DHX35: variants seen among roughly 807,000 people sequenced by gnomAD.
DHX35 encodes DEAH-box helicase 35.
A neutral mutation model predicts 99.6 loss-of-function variants in DHX35; 84 were observed. The ratio of observed to expected loss-of-function variants is 0.84; its 90% CI spans 0.71 to 1.01. The LOEUF (loss-of-function observed/expected upper bound fraction) is 1.01, where lower values mean the gene tolerates loss of function less well. Among genes scored for constraint, DHX35 ranks in the 50% least tolerant of loss-of-function variants. The probability of loss-of-function intolerance (pLI) is 0.00; values close to 1 mark genes in which losing one functional copy is unlikely to be tolerated. For synonymous variants in DHX35, 331 were observed against 316.2 expected, an observed-to-expected ratio of 1.05 and a Z score of -0.50; for missense variants, 852 against 888.5, an observed-to-expected ratio of 0.96 and a Z score of 0.52.
chr20:39,025,404 T>A, intron 18 of DHX35, 45 bp downstream of exon 18: 1 of 1,599,336 alleles, frequency 6.3e-7, no homozygotes, highest in Non-Finnish European at 8.5e-7. Context: ...TGCTTCATTC[T>A]GTTGAGTTGT....
chr20:38,972,768 A>G (rs2086022431), intron 3 of DHX35, 117 bp downstream of exon 3: 1 of 659,960 alleles, frequency 1.5e-6, no homozygotes, highest in African/African-American at 1.9e-5. Flanking sequence ...GGAAATGTTC[A>G]CTTCAACTAG....
In DHX35 at chr20:39,006,153, T is replaced by A; in HGVS notation, c.1019T>A (p.Val340Glu). The change falls in exon 12 of 22, where the codon GTG becomes GAG. Residue 340 changes from valine (V) to glutamate (E), a missense_variant. Coordinates refer to ENST00000252011, the MANE Select transcript of DHX35 (RefSeq NM_021931.4). ...TTTCTGTGGGGAACGTAGGTGATAGTGGCCACCAATGTGGCAGAAACCTCT... is the reference window on the plus strand; with the variant it reads ...TTTCTGTGGGGAACGTAGGTGATAGAGGCCACCAATGTGGCAGAAACCTCT... ...RVSRSVRKVI[V>E]ATNVAETSIT... 1 of 1,613,246 alleles carries A rather than the reference T, an allele frequency of 6.2e-7. No individual in the cohort carries two copies. The highest frequency in any genetic ancestry group is 8.5e-7 in the Non-Finnish European group (1 of 1,179,210).
In DHX35 at chr20:38,971,600, A is replaced by G. The variant is rs982079654; in HGVS notation, c.175-959A>G. Reference sequence around the variant, plus strand: ...TTGTCCTTAGTGTAAGAACATGTCAACCTCTCTGGGGGCAGCACTATTGAC... The same window carrying G: ...TTGTCCTTAGTGTAAGAACATGTCAGCCTCTCTGGGGGCAGCACTATTGAC... On this transcript the variant is annotated intron_variant, in intron 2 of 21. Transcript: ENST00000252011. Among the ~76,000 whole-genome samples the G allele has an allele frequency of 4.6e-5, 7 of 151,558 alleles. No homozygotes were observed. The East Asian group carries it at 9.7e-4, about 21-fold the overall frequency.
intron 12 of DHX35, among the ~76,000 whole-genome samples, chr20:39,009,943 T>G (rs2086673490): frequency 6.6e-6 from 1 of 152,222 alleles, no homozygotes; most frequent in Non-Finnish European, 1.5e-5. Flanking sequence ...CTTCCTTGAC[T>G]TATTCCAAAC....
chr20:39,023,572 C>T (rs1435005893), intron 16 of DHX35, 118 bp from the exon 17 acceptor site: 11 of 888,262 alleles, frequency 1.2e-5, no homozygotes, highest in East Asian at 2.6e-5. Context: ...AGGCTGGTCT[C>T]GAACTTCTGG....
intron 21 of DHX35, among the ~76,000 whole-genome samples, chr20:39,035,692 C>T (rs2087139656): frequency 6.6e-6 from 1 of 152,168 alleles, no homozygotes; most frequent in Admixed American, 6.5e-5. Context: ...TTAGTGACAT[C>T]GCCAGGTGCC....
At chr20:39,020,656 CTTTTTTTTT>C (rs57246257) in intron 15 of DHX35, among the ~76,000 whole-genome samples, 4 of 105,224 alleles carry the variant, frequency 3.8e-5, no homozygotes, top group Admixed American at 2.2e-4. Context: ...AAACAGGATT[CTTTTTTTTT>C]TTTTTTTTTT....
intron 17 of DHX35, 79 bp from the exon 18 acceptor site, chr20:39,025,151 A>G (rs2086934417): frequency 6.8e-7 from 1 of 1,474,890 alleles, no homozygotes; most frequent in African/African-American, 1.4e-5. Context: ...GGGGGAAGAG[A>G]GAAGAATGAT....
Position 39,028,514 on chromosome 20 carries a change from G to A in DHX35, c.1883+15G>A. The A allele has an allele frequency of 6.2e-7, 1 of 1,613,496 alleles. No individual in the cohort carries two copies. Among genetic ancestry groups the A allele is most frequent in the Non-Finnish European group, 8.5e-7 (1 of 1,179,432 alleles). On this transcript the variant is annotated intron_variant, in intron 19 of 21. Coordinates refer to ENST00000252011, the MANE Select transcript of DHX35 (RefSeq NM_021931.4). ...GGAGCTTATAGGTAACATGATACTT[G>A]GTGAAGTCATTTGTTAAAGGAACAA...
chr20:39,019,236 T>C (rs116936431), intron 15 of DHX35, among the ~76,000 whole-genome samples: 4,245 of 152,318 alleles, frequency 0.028, 84 homozygotes, highest in Middle Eastern at 0.044. Context: ...ATTTGACTGC[T>C]CTGAGAACCC....
chr20:38,986,103 A>G (rs570848888), intron 4 of DHX35, among the ~76,000 whole-genome samples: 2 of 151,944 alleles, frequency 1.3e-5, no homozygotes, highest in Admixed American at 6.5e-5. Context: ...TGTCTCGTCT[A>G]CCTCATGGGC....
rs544851133 is a variant in DHX35 at position 39,019,209 on chromosome 20, A to T, written c.1498+310A>T. Among the ~76,000 whole-genome samples the T allele has an allele frequency of 2.6e-5, 4 of 152,170 alleles. No individual in the cohort carries two copies. In the East Asian group the frequency reaches 7.7e-4, roughly 29 times the overall value. On this transcript the variant is annotated intron_variant, in intron 15 of 21. Coordinates refer to ENST00000252011, the MANE Select transcript of DHX35 (RefSeq NM_021931.4). ...TGCCCCGCCCCTGGCAACCACCACT[A>T]CTTTCTGTCTCTATGAATTTGACTG...
intron 1 of DHX35, chr20:38,962,743 G>T (rs992719837): frequency 2.9e-6 from 1 of 340,638 alleles, no homozygotes; most frequent in Non-Finnish European, 5.4e-6. Context: ...GCGCCCTGGG[G>T]TTGCGCTGTG....
At position 39,006,375 on chromosome 20, in the gene DHX35, A is replaced by G. The variant is rs201033227; in HGVS notation, c.1222+19A>G. ...TATACAGGTTAGTGTGGCTTTCCCT[A>G]AGGGTTTTTGACTTTCTTATAGTCA... On this transcript the variant is annotated intron_variant, in intron 12 of 21. Transcript: ENST00000252011. 1.8e-5 allele frequency: 29 copies of G among 1,609,446 alleles called. No individual in the cohort carries two copies. Among genetic ancestry groups the G allele is most frequent in the Non-Finnish European group, 1.8e-5 (21 of 1,176,188 alleles).
In DHX35 at chr20:39,025,297, C is replaced by G. The variant is rs1014413078; in HGVS notation, c.1739C>G (p.Thr580Ser). Residue 580 changes from threonine (T) to serine (S), a missense_variant, in exon 18 of 22, where the codon ACT becomes AGT. Thr to Ser is a moderately conservative substitution (Grantham distance 58). Transcript: ENST00000252011. ...LNYKGLVRAA[T>S]VREQLKKLLV... ...TACAAGGGTCTTGTCAGAGCTGCGA[C>G]TGTAAGAGAACAATTGAAAAAGCTT... The G allele has an allele frequency of 7.4e-6, 12 of 1,613,540 alleles. No individual in the cohort carries two copies. Among genetic ancestry groups the G allele is most frequent in the Non-Finnish European group, 1.0e-5 (12 of 1,179,780 alleles).
Position 39,025,550 on chromosome 20 carries a change from A to G in DHX35, c.1801+191A>G, listed in dbSNP as rs73908235. Among the ~76,000 whole-genome samples the G allele has an allele frequency of 0.02, 3,077 of 152,154 alleles. 116 individuals carry two copies. The highest frequency in any genetic ancestry group is 0.071 in the African/African-American group (2,941 of 41,500). On this transcript the variant is annotated intron_variant, in intron 18 of 21. Transcript: ENST00000252011. ...TTGCGTATTTTTTCCAAGGAGGTCT[A>G]TTTTTCTTTCTGATGGGCATTCTTA...
chr20:38,996,768 G>GA (rs1315709085), intron 8 of DHX35, among the ~76,000 whole-genome samples: 2 of 152,208 alleles, frequency 1.3e-5, no homozygotes, highest in Admixed American at 1.3e-4. Flanking sequence ...CAGGCTGTAG[G>GA]AGTCTGTTGT....
intron 7 of DHX35, among the ~76,000 whole-genome samples, chr20:38,994,195 G>A (rs556075887): frequency 2.0e-5 from 3 of 151,900 alleles, no homozygotes; most frequent in East Asian, 1.9e-4. Flanking sequence ...TTTCAGGAAC[G>A]GTATAATAAG....
At chr20:39,010,195 T>C in intron 12 of DHX35, 85 bp from the exon 13 acceptor site, 2 of 1,594,620 alleles carry the variant, frequency 1.3e-6, no homozygotes, top group Non-Finnish European at 1.7e-6. Flanking sequence ...TTGTTCAAGA[T>C]AGAGAAGAAA....
Sources: allele counts gnomAD v4.1 joint callset (sites outside exome capture counted in the v4.1 genomes callset), GRCh38; gene constraint gnomAD v4.1.1; transcripts MANE v1.5; gene names NCBI Gene and HGNC (gene_info 2026-07-23, HGNC 2026-07-21).